The following MICAL3 variants were observed in gnomAD, a reference collection of about 807,000 sequenced individuals.
The protein encoded by MICAL3 is microtubule associated monooxygenase, calponin and LIM domain containing 3.
A neutral mutation model predicts 207.4 loss-of-function variants in MICAL3; 62 were observed. That is an observed-to-expected ratio of 0.30 (90% CI 0.24 to 0.37). The LOEUF (loss-of-function observed/expected upper bound fraction) is 0.37. Ranked by LOEUF, MICAL3 falls within the 10% of genes least tolerant of loss-of-function variation. MICAL3 has a pLI of 1.00. For missense variants in MICAL3, 2,368 were observed against 2,635.6 expected, an observed-to-expected ratio of 0.90 and a Z score of 2.22; for synonymous variants, 1,077 against 1,069.3, an observed-to-expected ratio of 1.01 and a Z score of -0.14.
intron 29 of MICAL3, chr22:17,791,601 T>TA (rs544782016): frequency 2.4e-6 from 1 of 420,654 alleles, no homozygotes; most frequent in African/African-American, 2.0e-5. Context: ...TAGGATGACT[T>TA]ACATTGCTTT....
chr22:17,892,323 T>C (rs146935961), intron 11 of MICAL3, among the ~76,000 whole-genome samples: 5 of 152,200 alleles, frequency 3.3e-5, no homozygotes, highest in Non-Finnish European at 7.3e-5. Context: ...CCGAACAGCC[T>C]CTTTAAAAAT....
chr22:17,862,681 C>A (rs1926649894), intron 19 of MICAL3: 1 of 985,306 alleles, frequency 1.0e-6, no homozygotes, highest in Non-Finnish European at 1.2e-6. Flanking sequence ...TCATGCCAGC[C>A]ATAAAATACT....
At chr22:17,921,377 G>T (rs909074395) in intron 1 of MICAL3, among the ~76,000 whole-genome samples, 2 of 152,194 alleles carry the variant, frequency 1.3e-5, no homozygotes, top group African/African-American at 4.8e-5. Context: ...TGTCTCCCGG[G>T]TATGCAACCT....
intron 2 of MICAL3, among the ~76,000 whole-genome samples, chr22:17,905,473 C>T (rs773496376): frequency 1.2e-4 from 18 of 152,158 alleles, no homozygotes; most frequent in Non-Finnish European, 2.5e-4. Context: ...TCTGTGTGTG[C>T]GGAAGGAAAA....
Position 17,889,236 on chromosome 22 carries a change from A to G in MICAL3, c.1695-6T>C. Reference sequence around the variant, plus strand: ...CATCCAAAGAATCAAAATCTCTGAGAAACAGGACAAGGAAAACATATCAAG... The same window carrying G: ...CATCCAAAGAATCAAAATCTCTGAGGAACAGGACAAGGAAAACATATCAAG... On this transcript the variant is annotated splice_region_variant and splice_polypyrimidine_tract_variant and intron_variant, in intron 12 of 31. Transcript: ENST00000441493. 1.9e-6 allele frequency: 3 copies of G among 1,605,894 alleles called. No homozygotes were observed. The South Asian group carries it at 3.3e-5, about 18-fold the overall frequency.
Position 17,831,975 on chromosome 22 carries a change from T to C in MICAL3, c.2934A>G (p.Glu978=). ...RIHALLKGKS[E]EELEASKSFG... ...AGCTCTTTGAGGCCTCTAGCTCCTCTTCACTTTTCCCTTTCAGAAGGGCAT... is the reference window on the plus strand; with the variant it reads ...AGCTCTTTGAGGCCTCTAGCTCCTCCTCACTTTTCCCTTTCAGAAGGGCAT... Residue 978 remains glutamate, a synonymous_variant, in exon 21 of 32, where the codon GAA becomes GAG. Coordinates refer to ENST00000441493, the MANE Select transcript of MICAL3 (RefSeq NM_015241.3). 6.3e-7 allele frequency: 1 copy of C among 1,598,616 alleles called. No individual in the cohort carries two copies. The highest frequency in any genetic ancestry group is 8.5e-7 in the Non-Finnish European group (1 of 1,172,692).
At chr22:17,915,180 T>C (rs1932409281) in intron 1 of MICAL3, among the ~76,000 whole-genome samples, 1 of 152,262 alleles carries the variant, frequency 6.6e-6, no homozygotes, top group African/African-American at 2.4e-5. Flanking sequence ...CAGTTACTTT[T>C]GCCGTTACTT....
chr22:17,822,865 C>G, intron 23 of MICAL3, 82 bp downstream of exon 23: 1 of 905,038 alleles, frequency 1.1e-6, no homozygotes, highest in Non-Finnish European at 1.7e-6. Flanking sequence ...GGCGGCCTCA[C>G]TGAGCTTGAT....
At chr22:17,866,686 A>ATAGAATAGAATAGAATC (rs1927194802) in intron 17 of MICAL3, among the ~76,000 whole-genome samples, 2 of 152,262 alleles carry the variant, frequency 1.3e-5, no homozygotes, top group South Asian at 2.1e-4. Flanking sequence ...AGAATAGAAT[A>ATAGAATAGAATAGAATC]GAATCCAGAG....
At chr22:17,879,434 A>G in intron 16 of MICAL3, 1 of 1,589,934 alleles carries the variant, frequency 6.3e-7, no homozygotes, top group Non-Finnish European at 8.6e-7. Flanking sequence ...CTTAAGCTCC[A>G]TGCATATCGC....
intron 1 of MICAL3, among the ~76,000 whole-genome samples, chr22:17,930,753 C>A (rs1229451972): frequency 1.3e-5 from 2 of 152,216 alleles, no homozygotes; most frequent in Non-Finnish European, 1.5e-5. Flanking sequence ...TAGAATTGGC[C>A]ACGCCAGGAA....
chr22:17,851,314 G>C (rs1272403660), intron 19 of MICAL3, among the ~76,000 whole-genome samples: 1 of 152,132 alleles, frequency 6.6e-6, no homozygotes, highest in Non-Finnish European at 1.5e-5. Context: ...CCCTACTTCT[G>C]CCGTCGTTAC....
chr22:17,910,368 T>C lies in MICAL3; in HGVS notation c.-74-3482A>G, dbSNP rs541453987. On this transcript the variant is annotated intron_variant, in intron 1 of 31. Coordinates refer to ENST00000441493, the MANE Select transcript of MICAL3 (RefSeq NM_015241.3). ...GAGCTGCTAACCGCCACAAAGAATTTCCAAATCAAACCCCACTACAGAGGA... is the reference window on the plus strand; with the variant it reads ...GAGCTGCTAACCGCCACAAAGAATTCCCAAATCAAACCCCACTACAGAGGA... 2.6e-5 allele frequency among the ~76,000 whole-genome samples: 4 copies of C among 152,228 alleles called. No homozygotes were observed. The East Asian group carries it at 7.7e-4, about 29-fold the overall frequency.
intron 1 of MICAL3, among the ~76,000 whole-genome samples, chr22:17,976,561 GTATATATATA>G (rs751076102): frequency 7.4e-4 from 59 of 80,058 alleles, no homozygotes; most frequent in Middle Eastern, 7.4e-3. Flanking sequence ...GTGTGTGTGT[GTATATATATA>G]TATATATATA....
intron 1 of MICAL3, among the ~76,000 whole-genome samples, chr22:18,015,428 T>TTTC (rs1923994527): frequency 6.8e-6 from 1 of 146,324 alleles, no homozygotes; most frequent in South Asian, 2.2e-4. Flanking sequence ...TCATCTTTTT[T>TTTC]TTTTTTTTTT....
At position 17,817,685 on chromosome 22, in the gene MICAL3, T is replaced by G; in HGVS notation, c.4976A>C (p.Glu1659Ala). 6.2e-7 allele frequency: 1 copy of G among 1,607,374 alleles called. No individual in the cohort carries two copies. Among genetic ancestry groups the G allele is most frequent in the Non-Finnish European group, 8.5e-7 (1 of 1,177,750 alleles). ...GGCTTCATGCTTCAGGGTGGGCTCC[T>G]CGGAGCCCCTGAGAGTGGGGCGTGT... ...SPTRPTLRGS[E>A]EPTLKHEATS... is the part of the protein sequence containing the mutation. The change falls in exon 26 of 32, where the codon GAG (glutamate) becomes GCG (alanine). Residue 1659 changes from glutamate (E) to alanine (A), a missense_variant. Physicochemically the swap from Glu to Ala is moderately radical, Grantham distance 107 (BLOSUM62 -1). Around this residue, in one of 4 missense-constraint regions of MICAL3, gnomAD observed 1,770 missense variants for 1,863.2 expected, o/e 0.95. Transcript: ENST00000441493.
chr22:17,943,716 T>G (rs1418155819), intron 1 of MICAL3, among the ~76,000 whole-genome samples: 1 of 152,226 alleles, frequency 6.6e-6, no homozygotes, highest in African/African-American at 2.4e-5. Flanking sequence ...AGCTTTGCTG[T>G]CTGCTGTTTT....
chr22:17,810,565 A>G, intron 28 of MICAL3, 138 bp downstream of exon 28: 1 of 654,342 alleles, frequency 1.5e-6, no homozygotes, highest in South Asian at 1.9e-5. Flanking sequence ...GCCAAAGGTG[A>G]CCTGGGTGGC....
chr22:17,944,536 C>T (rs894119390), intron 1 of MICAL3, among the ~76,000 whole-genome samples: 2 of 152,276 alleles, frequency 1.3e-5, no homozygotes, highest in East Asian at 3.9e-4. Context: ...ACCCAGCCTC[C>T]GCTTTGCTAA....
Sources: gnomAD v4.1 joint callset for allele counts (sites outside exome capture counted in the v4.1 genomes callset) on GRCh38, gnomAD v4.1.1 for gene constraint, gnomAD v4.1.1 regional missense constraint, MANE v1.5 for transcripts, NCBI Gene and HGNC (gene_info 2026-07-23, HGNC 2026-07-21) for gene names.